CNOT10: variants seen among roughly 807,000 people sequenced by gnomAD.
The protein encoded by CNOT10 is CCR4-NOT transcription complex subunit 10, also known as CCR4-NOT transcription complex, subunit 10.
Under a neutral mutation model 94.6 loss-of-function variants are expected in CNOT10, and 30 were observed. That is an observed-to-expected ratio of 0.32 (90% CI 0.24 to 0.43). CNOT10 has a LOEUF of 0.43. CNOT10 is among the 20% of genes least tolerant of loss of function. The probability of loss-of-function intolerance (pLI) is 1.00; values close to 1 mark genes in which losing one functional copy is unlikely to be tolerated. For missense variants in CNOT10, 759 were observed against 877.2 expected, an observed-to-expected ratio of 0.87 and a Z score of 1.70; for synonymous variants, 289 against 301.6, an observed-to-expected ratio of 0.96 and a Z score of 0.43.
chr3:32,755,234 G>A (rs574397252), intron 13 of CNOT10, among the ~76,000 whole-genome samples: 8 of 148,784 alleles, frequency 5.4e-5, no homozygotes, highest in Non-Finnish European at 7.4e-5. Context: ...TGACAAGAGC[G>A]AAACTCCATA....
At chr3:32,751,481 G>C (rs534053286) in intron 13 of CNOT10, among the ~76,000 whole-genome samples, 1 of 152,262 alleles carries the variant, frequency 6.6e-6, no homozygotes, top group African/African-American at 2.4e-5. Context: ...AATGTTTGGA[G>C]CAAATTTAAT....
At chr3:32,724,213 AC>A (rs1559493607) in intron 8 of CNOT10, among the ~76,000 whole-genome samples, 2 of 151,284 alleles carry the variant, frequency 1.3e-5, no homozygotes. Context: ...GTGGAGACTT[AC>A]AGTTTAATAG....
rs977423647 is a variant in CNOT10, at chr3:32,717,067, T to C, written c.661-87T>C. 9.9e-6 allele frequency: 7 copies of C among 704,736 alleles called. No individual in the cohort carries two copies. The East Asian group carries it at 1.6e-4, about 16-fold the overall frequency. 43.7% of individuals were successfully genotyped at this position (704,736 alleles called of 1,614,324 possible). Reference sequence around the variant, plus strand: ...GCAAGTAATTAGTGTAACTATGTTGTAAATAGATTGGGTTTTCTTAACTAG... The same window carrying C: ...GCAAGTAATTAGTGTAACTATGTTGCAAATAGATTGGGTTTTCTTAACTAG... On this transcript the variant is annotated intron_variant, in intron 6 of 18. Coordinates refer to ENST00000328834, the MANE Select transcript of CNOT10 (RefSeq NM_015442.3).
intron 13 of CNOT10, among the ~76,000 whole-genome samples, chr3:32,741,114 CT>C (rs1015447886): frequency 3.9e-5 from 6 of 152,094 alleles, no homozygotes; most frequent in Non-Finnish European, 5.9e-5. Flanking sequence ...CGACTAATCT[CT>C]TTTTAATTTC....
rs773107318 is a variant in CNOT10 at position 32,773,529 on chromosome 3, T to C, written c.2153T>C (p.Val718Ala). The change falls in exon 19 of 19, where the codon GTG becomes GCG. Residue 718 changes from valine to alanine, a missense_variant. By Grantham distance (64) the Val-to-Ala change is moderately conservative (BLOSUM62 0). Transcript: ENST00000328834. ...CCTGCAGTGAAAACACACTCTGAAG[T>C]GAGAAAGAAGCCAGTGTTTCAGCCT... ...LLPAVKTHSE[V>A]RKKPVFQPVH... 6.2e-7 allele frequency: 1 copy of C among 1,614,022 alleles called. No homozygotes were observed. Among genetic ancestry groups the C allele is most frequent in the South Asian group, 1.1e-5 (1 of 91,062 alleles).
chr3:32,746,413 C>T (rs1463461751), intron 13 of CNOT10, among the ~76,000 whole-genome samples: 1 of 152,046 alleles, frequency 6.6e-6, no homozygotes, highest in Non-Finnish European at 1.5e-5. Context: ...TCAGTGGGAG[C>T]CCTGAGCTTG....
chr3:32,735,308 G>A (rs1699136262), intron 12 of CNOT10, among the ~76,000 whole-genome samples: 1 of 138,376 alleles, frequency 7.2e-6, no homozygotes, highest in Non-Finnish European at 1.5e-5. Flanking sequence ...TTGTGCCACT[G>A]CACTCCAGCT....
At chr3:32,695,968 A>AGTGT (rs764702440) in intron 1 of CNOT10, 13,648 of 430,324 alleles carry the variant, frequency 0.032, 209 homozygotes, top group African/African-American at 0.047. Context: ...TGTTGAAGAG[A>AGTGT]GTGTGTGTGT....
At chr3:32,711,345 T>C (rs1052171051) in intron 4 of CNOT10, among the ~76,000 whole-genome samples, 1 of 152,186 alleles carries the variant, frequency 6.6e-6, no homozygotes, top group Non-Finnish European at 1.5e-5. Context: ...AAATTACTTA[T>C]AATACCTAAT....
At chr3:32,731,851 G>A (rs1377791076) in intron 10 of CNOT10, among the ~76,000 whole-genome samples, 2 of 151,878 alleles carry the variant, frequency 1.3e-5, no homozygotes, top group Admixed American at 6.6e-5. Context: ...GGCTGAGGCG[G>A]GTGGATCAGA....
intron 17 of CNOT10, among the ~76,000 whole-genome samples, chr3:32,768,075 G>A (rs1700726971): frequency 6.6e-6 from 1 of 152,178 alleles, no homozygotes; most frequent in Non-Finnish European, 1.5e-5. Context: ...ACAGTGATGT[G>A]AAGAGTTGGA....
At chr3:32,686,684 G>A (rs1178623646) in intron 1 of CNOT10, among the ~76,000 whole-genome samples, 1 of 152,174 alleles carries the variant, frequency 6.6e-6, no homozygotes, top group African/African-American at 2.4e-5. Context: ...CAGGAAAACG[G>A]CATGGCCTGT....
chr3:32,769,757 A>C (rs1402990680), intron 17 of CNOT10, 130 bp from the exon 18 acceptor site: 1 of 693,322 alleles, frequency 1.4e-6, no homozygotes, highest in Non-Finnish European at 2.6e-6. Context: ...GCAGAACAAC[A>C]GGTAGTCCCT....
intron 6 of CNOT10, 151 bp downstream of exon 6, chr3:32,716,462 T>C (rs948636990): frequency 1.2e-5 from 6 of 482,448 alleles, no homozygotes; most frequent in Non-Finnish European, 2.2e-5. Flanking sequence ...TAGAAGCACA[T>C]TTATCCTAAA....
rs1026868582 is a variant in CNOT10 at position 32,773,515 on chromosome 3, A to C, written c.2139A>C (p.Lys713Asn). The C allele has an allele frequency of 6.2e-7, 1 of 1,614,128 alleles. No homozygotes were observed. Residue 713 changes from lysine (K) to asparagine (N), a missense_variant, in exon 19 of 19, where the codon AAA (lysine) becomes AAC (asparagine). Physicochemically the swap from Lys to Asn is moderately conservative, Grantham distance 94. Transcript: ENST00000328834. ...GGAATCAGCTGCTCCCTGCAGTGAAAACACACTCTGAAGTGAGAAAGAAGC... is the reference window on the plus strand; with the variant it reads ...GGAATCAGCTGCTCCCTGCAGTGAACACACACTCTGAAGTGAGAAAGAAGC... ...IKRNQLLPAV[K>N]THSEVRKKPV...
chr3:32,725,556 T>C lies in CNOT10; in HGVS notation c.969T>C (p.Asn323=), dbSNP rs200963829. The C allele has an allele frequency of 9.4e-5, 152 of 1,614,192 alleles. No individual in the cohort carries two copies. The highest frequency in any genetic ancestry group is 4.8e-4 in the Admixed American group (29 of 60,022). ...ACTTTAAAAAGGCTCTGCAAGAGAA[T>C]GACAATGTCTGTGCACAGCTCAGTG... ...IFYFKKALQE[N]DNVCAQLSAG... is the part of the protein sequence containing the mutation. Residue 323 remains asparagine (N), a synonymous_variant, in exon 9 of 19, where the codon AAT becomes AAC. Transcript: ENST00000328834.
At chr3:32,702,906 G>T (rs1327486214) in intron 1 of CNOT10, among the ~76,000 whole-genome samples, 1 of 148,628 alleles carries the variant, frequency 6.7e-6, no homozygotes, top group African/African-American at 2.5e-5. Flanking sequence ...ATCAGTCATT[G>T]TTTTTTGTTG....
At chr3:32,764,264 G>C (rs1700570472) in intron 15 of CNOT10, 191 bp from the exon 16 acceptor site, 1 of 537,306 alleles carries the variant, frequency 1.9e-6, no homozygotes, top group Non-Finnish European at 3.2e-6. Flanking sequence ...TTGAATCCAG[G>C]AGGCGGAGGT....
chr3:32,770,619 C>G (rs1464786234), intron 18 of CNOT10, among the ~76,000 whole-genome samples: 1 of 152,070 alleles, frequency 6.6e-6, no homozygotes, highest in East Asian at 1.9e-4. Flanking sequence ...GCCACCGCAC[C>G]CGGCAAGGCT....
Sources: allele counts gnomAD v4.1 joint callset (sites outside exome capture counted in the v4.1 genomes callset), GRCh38; gene constraint gnomAD v4.1.1; transcripts MANE v1.5; gene names NCBI Gene and HGNC (gene_info 2026-07-23, HGNC 2026-07-21).